Variants in NLGN4X observed in about 807,000 individuals in gnomAD.
The protein encoded by NLGN4X is neuroligin-4, X-linked.
In NLGN4X, 3 loss-of-function variants were observed where a neutral mutation model predicts 40.3. The ratio of observed to expected loss-of-function variants is 0.07; its 90% CI spans 0.03 to 0.19. The LOEUF (loss-of-function observed/expected upper bound fraction) is 0.19, where lower values mean the gene tolerates loss of function less well. NLGN4X is among the 10% of genes least tolerant of loss of function. The probability of loss-of-function intolerance (pLI) is 1.00; values close to 1 mark genes in which losing one functional copy is unlikely to be tolerated. For synonymous variants in NLGN4X, 270 were observed against 306.8 expected (o/e 0.88, Z 1.25); for missense variants, 382 against 708.3 (o/e 0.54, Z 5.23).
chrX:6,197,790 G>A (rs1418694558), intron 1 of NLGN4X, among the ~76,000 whole-genome samples: 3 of 110,643 alleles, frequency 2.7e-5, no homozygotes, highest in Non-Finnish European at 5.7e-5. Flanking sequence ...GGGGCCGGGC[G>A]TGGTGGCTCA....
intron 3 of NLGN4X, among the ~76,000 whole-genome samples, chrX:6,007,791 G>A (rs1166630898): frequency 9.0e-6 from 1 of 111,513 alleles, no homozygotes; most frequent in Non-Finnish European, 1.9e-5. Context: ...TCTTTCCCTG[G>A]TCAAAAGCAT....
intron 1 of NLGN4X, among the ~76,000 whole-genome samples, chrX:6,218,474 CCACACACACA>C (rs371223344): frequency 2.1e-5 from 1 of 46,970 alleles, no homozygotes. Context: ...GAGATTAAAC[CCACACACACA>C]CACACACACA....
intron 2 of NLGN4X, among the ~76,000 whole-genome samples, chrX:6,065,122 G>A (rs749968377): frequency 6.3e-5 from 7 of 110,390 alleles, no homozygotes; most frequent in Non-Finnish European, 1.1e-4. Context: ...CAAAGTGGTG[G>A]GTGGGAAAAG....
chrX:6,126,336 C>T (rs969985729), intron 2 of NLGN4X, among the ~76,000 whole-genome samples: 4 of 110,745 alleles, frequency 3.6e-5, no homozygotes, highest in African/African-American at 9.9e-5. Flanking sequence ...TCGCACTGGA[C>T]GTCAGTGGGC....
chrX:5,919,109 A>G (rs1391637720), intron 3 of NLGN4X, among the ~76,000 whole-genome samples: 3 of 112,352 alleles, frequency 2.7e-5, no homozygotes, highest in African/African-American at 9.7e-5. Flanking sequence ...GAGTAGCTAC[A>G]GTCAAACTCA....
At chrX:6,202,830 C>T (rs956980502) in intron 1 of NLGN4X, among the ~76,000 whole-genome samples, 2 of 112,133 alleles carry the variant, frequency 1.8e-5, no homozygotes, top group Non-Finnish European at 3.8e-5. Flanking sequence ...TGACCTTCAC[C>T]TACCTCTGAA....
intron 2 of NLGN4X, among the ~76,000 whole-genome samples, chrX:6,082,977 T>TTTTTG (rs1569227473): frequency 4.1e-4 from 35 of 85,652 alleles, no homozygotes; most frequent in African/African-American, 1.5e-3. Context: ...TTTTTTTTTT[T>TTTTTG]GAGACGGAGT....
At chrX:5,982,200 C>T (rs2035408909) in intron 3 of NLGN4X, among the ~76,000 whole-genome samples, 1 of 111,851 alleles carries the variant, frequency 8.9e-6, no homozygotes, top group Admixed American at 9.5e-5. Context: ...TGACTCAGTG[C>T]TTCAGAGAGA....
chrX:6,040,846 G>A lies in NLGN4X; in HGVS notation c.473-11414C>T, dbSNP rs144246727. Among the ~76,000 whole-genome samples the A allele has an allele frequency of 6.6e-3, 732 of 111,684 alleles. 3 individuals carry two copies. Among genetic ancestry groups the A allele is most frequent in the African/African-American group, 0.022 (681 of 30,714 alleles). ...TAATTAATATACCATACACATCACC[G>A]TGTCAAAGTATGCAATCCAATGGTT... On this transcript the variant is annotated intron_variant, in intron 2 of 5. Transcript: ENST00000381095.
chrX:6,134,242 C>T (rs2039760228), intron 2 of NLGN4X, among the ~76,000 whole-genome samples: 1 of 111,931 alleles, frequency 8.9e-6, no homozygotes, highest in Admixed American at 9.5e-5. Flanking sequence ...GAGTGCAGGA[C>T]TTCAAATTCA....
At chrX:6,045,757 T>C (rs2037301194) in intron 2 of NLGN4X, among the ~76,000 whole-genome samples, 1 of 111,823 alleles carries the variant, frequency 8.9e-6, no homozygotes, top group South Asian at 3.6e-4. Flanking sequence ...GGAAAAGAAA[T>C]GTTGCACTAA....
At chrX:5,974,180 T>C (rs981381514) in intron 3 of NLGN4X, among the ~76,000 whole-genome samples, 1 of 112,255 alleles carries the variant, frequency 8.9e-6, no homozygotes, top group Non-Finnish European at 1.9e-5. Flanking sequence ...CATGGTCAAA[T>C]GGTGTCCCTG....
chrX:6,184,255 T>C (rs1166629572), intron 1 of NLGN4X, among the ~76,000 whole-genome samples: 1 of 112,205 alleles, frequency 8.9e-6, no homozygotes, highest in Admixed American at 9.5e-5. Flanking sequence ...CTGGACACAG[T>C]GTGCTGTTCT....
chrX:6,047,260 T>C (rs1455758768), intron 2 of NLGN4X, among the ~76,000 whole-genome samples: 1 of 110,969 alleles, frequency 9.0e-6, no homozygotes, highest in Admixed American at 9.7e-5. Flanking sequence ...GGCGGATCAC[T>C]TGAGCCCCGG....
chrX:6,094,165 T>C (rs920849186), intron 2 of NLGN4X, among the ~76,000 whole-genome samples: 2 of 111,164 alleles, frequency 1.8e-5, no homozygotes, highest in Non-Finnish European at 3.8e-5. Context: ...TTTTAGAATT[T>C]ACAGGAGGCA....
At chrX:5,950,467 C>G (rs112515474) in intron 3 of NLGN4X, among the ~76,000 whole-genome samples, 117 of 112,068 alleles carry the variant, frequency 1.0e-3, no homozygotes, top group African/African-American at 3.6e-3. Context: ...GTGCACATTA[C>G]CTGTCTATGG....
chrX:6,061,219 C>T (rs1036804680), intron 2 of NLGN4X, among the ~76,000 whole-genome samples: 3 of 111,551 alleles, frequency 2.7e-5, no homozygotes, highest in Non-Finnish European at 5.6e-5. Flanking sequence ...CAGAAAACAG[C>T]CACAGTCAAC....
chrX:6,103,070 G>A (rs776404391), intron 2 of NLGN4X, among the ~76,000 whole-genome samples: 4 of 111,925 alleles, frequency 3.6e-5, no homozygotes, highest in Non-Finnish European at 5.6e-5. Context: ...TGCTCAGCCC[G>A]TGGGTGTGCA....
At chrX:6,041,313 A>G (rs1013464115) in intron 2 of NLGN4X, among the ~76,000 whole-genome samples, 1 of 111,953 alleles carries the variant, frequency 8.9e-6, no homozygotes, top group African/African-American at 3.2e-5. Flanking sequence ...GTTGTTTGAG[A>G]TGCTTAGCTA....
Sources: allele counts gnomAD v4.1 joint callset (sites outside exome capture counted in the v4.1 genomes callset), GRCh38; gene constraint gnomAD v4.1.1; transcripts MANE v1.5; gene names NCBI Gene and HGNC (gene_info 2026-07-23, HGNC 2026-07-21).